GTF3C1: variants seen among roughly 807,000 people sequenced by gnomAD.
GTF3C1 encodes general transcription factor IIIC subunit 1.
GTF3C1 carries 57 observed loss-of-function variants against 226.7 expected under a neutral mutation model. The ratio of observed to expected loss-of-function variants is 0.25; its 90% CI spans 0.20 to 0.31. GTF3C1 has a LOEUF of 0.31. GTF3C1 is among the 10% of genes least tolerant of loss of function. The probability of loss-of-function intolerance (pLI) is 1.00; values close to 1 mark genes in which losing one functional copy is unlikely to be tolerated. For synonymous variants in GTF3C1, 1,090 were observed against 1,084.8 expected (o/e 1.00, Z -0.09); for missense variants, 2,217 against 2,776.1 (o/e 0.80, Z 4.53).
intron 7 of GTF3C1, among the ~76,000 whole-genome samples, chr16:27,508,985 T>C (rs778873572): frequency 6.6e-6 from 1 of 152,196 alleles, no homozygotes; most frequent in Admixed American, 6.5e-5. Context: ...GGCAGGAAAT[T>C]AGCCCTTTCG....
chr16:27,541,593 T>A (rs1178109632), intron 2 of GTF3C1, among the ~76,000 whole-genome samples: 1 of 152,186 alleles, frequency 6.6e-6, no homozygotes, highest in African/African-American at 2.4e-5. Flanking sequence ...AGTACTACGA[T>A]GGTGTCTGGG....
At chr16:27,493,047 T>C in intron 17 of GTF3C1, 152 bp downstream of exon 17, 2 of 597,160 alleles carry the variant, frequency 3.3e-6, no homozygotes, top group South Asian at 4.3e-5. Flanking sequence ...AGCCCATACT[T>C]CATTAATATT....
At chr16:27,549,524 T>G in intron 1 of GTF3C1, 146 bp downstream of exon 1, 7 of 608,540 alleles carry the variant, frequency 1.2e-5, no homozygotes, top group East Asian at 2.8e-5. Flanking sequence ...GGACCCCAGA[T>G]TAGCCTTACC....
chr16:27,461,741 G>T lies in GTF3C1; in HGVS notation c.6118-179C>A, dbSNP rs975221321. 8 of 602,632 alleles carry T rather than the reference G, an allele frequency of 1.3e-5. No homozygotes were observed. The highest frequency in any genetic ancestry group is 2.4e-5 in the Non-Finnish European group (8 of 338,010). 37.3% of individuals were successfully genotyped at this position (602,632 alleles called of 1,614,324 possible). A position where few individuals can be genotyped will look rare whatever the true frequency, so the allele number is the denominator to read the frequency against. On this transcript the variant is annotated intron_variant, in intron 36 of 36. Transcript: ENST00000356183. The surrounding 1 kb of genome is among the most constrained non-coding windows in gnomAD (Gnocchi z 5.3). ...CCAGGAGGGTTCAGGCAAAGGCCCT[G>T]GTGGGAGAGGCAGCTGCCTGAGCAG...
In GTF3C1 at chr16:27,492,581, T is replaced by C; in HGVS notation, c.2973+36A>G. 1 of 1,548,472 alleles carries C rather than the reference T, an allele frequency of 6.5e-7. No individual in the cohort carries two copies. The highest frequency in any genetic ancestry group is 8.9e-7 in the Non-Finnish European group (1 of 1,120,158). On this transcript the variant is annotated intron_variant, in intron 18 of 36. Coordinates refer to ENST00000356183, the MANE Select transcript of GTF3C1 (RefSeq NM_001520.4). This position sits in a 1 kb window ranked among gnomAD's most constrained non-coding sequence, Gnocchi z 5.0. ...TGGCTGCTTGGAGACCGTTTAACAA[T>C]CAGAATTTCCTTCGTTTGGGCTTGA...
intron 6 of GTF3C1, among the ~76,000 whole-genome samples, chr16:27,514,543 G>A (rs910711973): frequency 1.3e-5 from 2 of 152,010 alleles, no homozygotes; most frequent in Admixed American, 6.5e-5. Context: ...TTCCCCCCTA[G>A]ACTGTCCTCT....
Position 27,502,950 on chromosome 16 carries a change from C to G in GTF3C1, c.1816G>C (p.Asp606His). Residue 606 changes from aspartate to histidine, a missense_variant, in exon 11 of 37, where the codon GAC becomes CAC. By Grantham distance (81) the Asp-to-His change is moderately conservative (BLOSUM62 -1). This residue lies in a region of GTF3C1 where 173 missense variants were observed against 207.2 expected (regional missense o/e 0.83). Coordinates refer to ENST00000356183, the MANE Select transcript of GTF3C1 (RefSeq NM_001520.4). ...AGTCGGTAAGTTTCGTGTGGTTTGT[C>G]TTGGCCTGAGCTGTGCCTCCCAGTC... is the stretch of plus-strand genomic sequence containing the variant. ...LKTGRHSSGQ[D>H]KPHETYRLLK... 6.2e-7 allele frequency: 1 copy of G among 1,613,302 alleles called. No homozygotes were observed. The highest frequency in any genetic ancestry group is 8.5e-7 in the Non-Finnish European group (1 of 1,179,324).
intron 27 of GTF3C1, among the ~76,000 whole-genome samples, chr16:27,479,029 G>A (rs139636926): frequency 1.3e-5 from 2 of 152,222 alleles, no homozygotes; most frequent in East Asian, 3.9e-4. Context: ...AGAGGAAAAA[G>A]TTTTCATGAT....
At position 27,494,760 on chromosome 16, in the gene GTF3C1, T is replaced by TCC. The variant is rs1452724045; in HGVS notation, c.2778+2_2778+3insGG. 1 of 1,609,540 alleles carries TCC rather than the reference T, an allele frequency of 6.2e-7. No individual in the cohort carries two copies. The highest frequency in any genetic ancestry group is 8.5e-7 in the Non-Finnish European group (1 of 1,175,918). ...CTGTGATAATGGCTCCTGTCACCAA[T>TCC]ACCTTGTAGCTGACTTGCACAATCT... is the stretch of plus-strand genomic sequence containing the variant. On this transcript the variant is annotated splice_region_variant and intron_variant, in intron 16 of 36. Transcript: ENST00000356183.
chr16:27,466,655 T>C (rs921219309), intron 32 of GTF3C1, among the ~76,000 whole-genome samples: 1 of 152,196 alleles, frequency 6.6e-6, no homozygotes, highest in Non-Finnish European at 1.5e-5. Flanking sequence ...ACAGCCAATA[T>C]AGATGAAAAC....
intron 19 of GTF3C1, among the ~76,000 whole-genome samples, chr16:27,490,515 C>T (rs2088217306): frequency 6.6e-6 from 1 of 152,056 alleles, no homozygotes; most frequent in South Asian, 2.1e-4. Context: ...CCAACTTCAC[C>T]TTGGCCCATA....
At chr16:27,528,313 T>C (rs2088863523) in intron 6 of GTF3C1, among the ~76,000 whole-genome samples, 1 of 152,096 alleles carries the variant, frequency 6.6e-6, no homozygotes, top group Non-Finnish European at 1.5e-5. Context: ...CTAGAGTGGC[T>C]TAATATAAGG....
At chr16:27,512,290 G>A (rs759746082) in intron 6 of GTF3C1, among the ~76,000 whole-genome samples, 10 of 152,172 alleles carry the variant, frequency 6.6e-5, no homozygotes, top group Non-Finnish European at 1.0e-4. Flanking sequence ...CAGGAGGCAC[G>A]CGAGCAGTAT....
intron 2 of GTF3C1, among the ~76,000 whole-genome samples, chr16:27,540,808 A>G (rs1179263496): frequency 1.3e-5 from 2 of 152,152 alleles, no homozygotes; most frequent in Admixed American, 1.3e-4. Flanking sequence ...GAGTGTGTGC[A>G]CAGGGATTAG....
intron 16 of GTF3C1, among the ~76,000 whole-genome samples, chr16:27,494,548 C>T (rs987819155): frequency 6.6e-6 from 1 of 152,130 alleles, no homozygotes; most frequent in African/African-American, 2.4e-5. Flanking sequence ...CCCATCCACC[C>T]AATCATCTTT....
rs781678980 is a variant in GTF3C1 at position 27,472,069 on chromosome 16, AGTGT to A, written c.4354-153_4354-150del. On this transcript the variant is annotated intron_variant, in intron 29 of 36. Coordinates refer to ENST00000356183, the MANE Select transcript of GTF3C1 (RefSeq NM_001520.4). ...AGGCTGGCGTATGTGTGTGTCAGTG[AGTGT>A]GTGTGTGAGTGTGTGTATCAGGGGG... is the stretch of plus-strand genomic sequence containing the variant. 10 of 652,700 alleles carry A rather than the reference AGTGT, an allele frequency of 1.5e-5. No individual in the cohort carries two copies. In the East Asian group the frequency reaches 2.5e-4, roughly 16 times the overall value. 40.4% of individuals were successfully genotyped at this position (652,700 alleles called of 1,614,324 possible).
At chr16:27,486,182 A>C in intron 23 of GTF3C1, 28 bp from the exon 24 acceptor site, 1 of 1,488,356 alleles carries the variant, frequency 6.7e-7, no homozygotes, top group East Asian at 2.3e-5. Context: ...AGAAGGCAGG[A>C]GACCTCTAAC....
chr16:27,494,867 T>G lies in GTF3C1; in HGVS notation c.2674A>C (p.Ile892Leu). The stretch of plus-strand genomic sequence containing the variant: ...AAGCCGAAGTCCCTGTGGACTGGGA[T>G]TGGGGGGATGTAGCGCATCCACGAG... ...DASWMRYIPP[I>L]PVHRDFGFGW... The change falls in exon 16 of 37, where the codon ATC becomes CTC. Residue 892 changes from isoleucine to leucine, a missense_variant. Coordinates refer to ENST00000356183, the MANE Select transcript of GTF3C1 (RefSeq NM_001520.4). 1 of 1,613,292 alleles carries G rather than the reference T, an allele frequency of 6.2e-7. No individual in the cohort carries two copies. Among genetic ancestry groups the G allele is most frequent in the Non-Finnish European group, 8.5e-7 (1 of 1,179,340 alleles).
Position 27,507,929 on chromosome 16 carries a change from A to G in GTF3C1, c.1242+611T>C, listed in dbSNP as rs2141404981. The stretch of plus-strand genomic sequence containing the variant: ...CCCTGGAGAGCACTGCTTTGTCTGA[A>G]GCACGTGGACAGAGAGTGGCCAGCC... On this transcript the variant is annotated intron_variant, in intron 8 of 36. Coordinates refer to ENST00000356183, the MANE Select transcript of GTF3C1 (RefSeq NM_001520.4). This position sits in a 1 kb window ranked among gnomAD's most constrained non-coding sequence, Gnocchi z 4.9. 6.6e-6 allele frequency among the ~76,000 whole-genome samples: 1 copy of G among 152,394 alleles called. No homozygotes were observed. Among genetic ancestry groups the G allele is most frequent in the Non-Finnish European group, 1.5e-5 (1 of 68,044 alleles).
Sources: allele counts gnomAD v4.1 joint callset (sites outside exome capture counted in the v4.1 genomes callset), GRCh38; gene constraint gnomAD v4.1.1; regional missense constraint gnomAD v4.1.1; non-coding constraint Gnocchi (gnomAD v3.1); transcripts MANE v1.5; gene names NCBI Gene and HGNC (gene_info 2026-07-23, HGNC 2026-07-21).